OR51B5: variants seen among roughly 807,000 people sequenced by gnomAD.
OR51B5 encodes the protein olfactory receptor family 51 subfamily B member 5.
For missense variants in OR51B5, 456 were observed against 374.6 expected (o/e 1.22, Z -1.79); for synonymous variants, 186 against 144.8 (o/e 1.28, Z -2.04).
rs536505136 is a variant in OR51B5, at chr11:5,393,663, G to A, written n.85-46753C>T. On this transcript the variant is annotated intron_variant and non_coding_transcript_variant, in intron 1 of 4. Transcript: ENST00000415970. ...AATGTTTATTAAGCATTTAACTCAC[G>A]GTAGAGAGGGCTGAGTACTTTTTAT... is the stretch of plus-strand genomic sequence containing the variant. Among the ~76,000 whole-genome samples the A allele has an allele frequency of 1.2e-4, 18 of 152,056 alleles. No individual in the cohort carries two copies. The South Asian group carries it at 1.7e-3, about 14-fold the overall frequency.
chr11:5,436,202 G>T (rs1407519884), intron 1 of OR51B5, among the ~76,000 whole-genome samples: 1 of 152,174 alleles, frequency 6.6e-6, no homozygotes, highest in South Asian at 2.1e-4. Context: ...AGTAGAGACG[G>T]GTTGGGATCA....
intron 1 of OR51B5, chr11:5,449,331 T>A (rs1304153521): frequency 6.6e-6 from 1 of 152,192 alleles, no homozygotes; most frequent in Non-Finnish European, 1.5e-5. Context: ...AGGGAAGAAC[T>A]TGTTCTGTGG....
chr11:5,385,995 GT>G (rs1332464771), intron 1 of OR51B5, among the ~76,000 whole-genome samples: 2 of 150,922 alleles, frequency 1.3e-5, no homozygotes, highest in Non-Finnish European at 3.0e-5. Context: ...AAGAATGTGT[GT>G]GTGTATTTAC....
At chr11:5,375,549 G>C (rs1025353294) in intron 1 of OR51B5, among the ~76,000 whole-genome samples, 1 of 150,766 alleles carries the variant, frequency 6.6e-6, no homozygotes, top group Non-Finnish European at 1.5e-5. Flanking sequence ...TGGATAAAGA[G>C]TGTATTCAGG....
chr11:5,468,717 C>T (rs1178742751), intron 1 of OR51B5: 1 of 456,572 alleles, frequency 2.2e-6, no homozygotes, highest in South Asian at 1.5e-5. Flanking sequence ...TTAAGCCTCT[C>T]ACCCCTGGAG....
chr11:5,406,124 A>T (rs145562893), intron 1 of OR51B5, among the ~76,000 whole-genome samples: 7 of 152,328 alleles, frequency 4.6e-5, no homozygotes, highest in African/African-American at 1.7e-4. Context: ...AATCTTAGGA[A>T]GTCATTTCCA....
chr11:5,353,880 T>G (rs1217329808), intron 1 of OR51B5, among the ~76,000 whole-genome samples: 2 of 152,156 alleles, frequency 1.3e-5, no homozygotes, highest in Non-Finnish European at 2.9e-5. Context: ...AAAAATAAAA[T>G]AATACCTTCA....
At chr11:5,440,996 G>C (rs1293264769) in intron 1 of OR51B5, 1 of 1,613,968 alleles carries the variant, frequency 6.2e-7, no homozygotes, top group South Asian at 1.1e-5. Flanking sequence ...GCAAAACATT[G>C]CCTTTGCAGA....
chr11:5,464,372 T>C (rs1851103268), intron 1 of OR51B5, among the ~76,000 whole-genome samples: 1 of 152,082 alleles, frequency 6.6e-6, no homozygotes, highest in Admixed American at 6.5e-5. Context: ...TGTGCCATGC[T>C]GGTGCGCTGC....
intron 1 of OR51B5, among the ~76,000 whole-genome samples, chr11:5,374,085 T>C (rs1306255760): frequency 6.6e-6 from 1 of 152,026 alleles, no homozygotes; most frequent in Non-Finnish European, 1.5e-5. Context: ...CACCCCCAAG[T>C]AAGGGCAGAC....
chr11:5,411,674 A>T (rs1453807699), intron 1 of OR51B5, among the ~76,000 whole-genome samples: 1 of 152,232 alleles, frequency 6.6e-6, no homozygotes, highest in African/African-American at 2.4e-5. Flanking sequence ...AAGGCTGCAG[A>T]TGGAATTAAG....
chr11:5,378,198 C>G, intron 1 of OR51B5, among the ~76,000 whole-genome samples: 1 of 151,890 alleles, frequency 6.6e-6, no homozygotes, highest in Non-Finnish European at 1.5e-5. Context: ...CTGAGAAAAA[C>G]AAGAAATGGG....
chr11:5,450,969 A>C lies in OR51B5; in HGVS notation n.84+54600T>G, dbSNP rs146001210. The stretch of plus-strand genomic sequence containing the variant: ...GAAAAAGAGAGAAGAGAGTCTTAAA[A>C]GTCTTTAAATTAATGTTTTATCACC... On this transcript the variant is annotated intron_variant and non_coding_transcript_variant, in intron 1 of 4. Coordinates refer to the OR51B5 transcript ENST00000415970. 2.6e-3 allele frequency among the ~76,000 whole-genome samples: 401 copies of C among 152,330 alleles called. 1 individual carries two copies. The highest frequency in any genetic ancestry group is 9.2e-3 in the African/African-American group (381 of 41,564).
intron 1 of OR51B5, chr11:5,505,310 T>A (rs1476620133): frequency 7.7e-7 from 1 of 1,302,030 alleles, no homozygotes; most frequent in East Asian, 5.6e-5. Context: ...TGGGGTTCAA[T>A]GTATATCTTC....
At chr11:5,448,288 A>G (rs1850798809) in intron 1 of OR51B5, among the ~76,000 whole-genome samples, 1 of 152,170 alleles carries the variant, frequency 6.6e-6, no homozygotes, top group Non-Finnish European at 1.5e-5. Context: ...TGAAGCCAAC[A>G]GAGTCACTTA....
chr11:5,443,065 T>C (rs1017586684), intron 1 of OR51B5, among the ~76,000 whole-genome samples: 1 of 152,186 alleles, frequency 6.6e-6, no homozygotes, highest in African/African-American at 2.4e-5. Context: ...GTCAGAATGA[T>C]GCAAACTGAG....
intron 1 of OR51B5, among the ~76,000 whole-genome samples, chr11:5,414,816 T>G (rs553678011): frequency 6.4e-4 from 97 of 152,242 alleles, no homozygotes; most frequent in African/African-American, 2.2e-3. Context: ...ACTCCCACAC[T>G]TTAATAATGG....
chr11:5,398,136 G>T (rs1439714708), intron 1 of OR51B5, among the ~76,000 whole-genome samples: 2 of 152,098 alleles, frequency 1.3e-5, no homozygotes, highest in African/African-American at 4.8e-5. Context: ...CACCAACATG[G>T]CACATGTATA....
intron 1 of OR51B5, among the ~76,000 whole-genome samples, chr11:5,478,478 T>C (rs1258588027): frequency 1.3e-5 from 2 of 152,080 alleles, no homozygotes; most frequent in Non-Finnish European, 2.9e-5. Flanking sequence ...AGGAATGCAG[T>C]TCCTCACCAG....
Sources: gnomAD v4.1 joint callset for allele counts (sites outside exome capture counted in the v4.1 genomes callset) on GRCh38, gnomAD v4.1.1 for gene constraint, MANE v1.5 for transcripts, NCBI Gene and HGNC (gene_info 2026-07-23, HGNC 2026-07-21) for gene names.